HEATR5A: variants seen among roughly 807,000 people sequenced by gnomAD.
The protein encoded by HEATR5A is HEAT repeat containing 5A, also known as HEAT repeat-containing protein 5A.
A neutral mutation model predicts 218.8 loss-of-function variants in HEATR5A; 178 were observed. That is an observed-to-expected ratio of 0.81 (90% CI 0.72 to 0.92). The LOEUF (loss-of-function observed/expected upper bound fraction) is 0.92. HEATR5A is among the 40% of genes least tolerant of loss of function. The pLI, the probability that HEATR5A is intolerant of heterozygous loss-of-function variation, is 0.00. For synonymous variants in HEATR5A, 864 were observed against 871.6 expected, an observed-to-expected ratio of 0.99 and a Z score of 0.15; for missense variants, 2,420 against 2,418.9, an observed-to-expected ratio of 1.00 and a Z score of -0.01.
At chr14:31,323,221 T>C (rs533370159) in intron 24 of HEATR5A, among the ~76,000 whole-genome samples, 6 of 152,320 alleles carry the variant, frequency 3.9e-5, no homozygotes, top group Admixed American at 2.6e-4. Context: ...CATGAAGTGA[T>C]GTGAACACGG....
intron 4 of HEATR5A, among the ~76,000 whole-genome samples, chr14:31,397,658 CAAAA>C (rs537734132): frequency 4.0e-5 from 3 of 75,750 alleles, no homozygotes; most frequent in African/African-American, 4.1e-5. Flanking sequence ...GACTCCGTCT[CAAAA>C]AAAAAAAAAA....
At chr14:31,320,560 C>A in intron 25 of HEATR5A, 1 of 903,790 alleles carries the variant, frequency 1.1e-6, no homozygotes, top group East Asian at 2.6e-5. Context: ...AGAAGGCAGA[C>A]ACAGGCCTGA....
At chr14:31,337,691 A>G (rs537806369) in intron 21 of HEATR5A, 77 bp from the exon 22 acceptor site, 1 of 1,255,050 alleles carries the variant, frequency 8.0e-7, no homozygotes, top group East Asian at 2.5e-5. Context: ...TATTCACTGG[A>G]CCCCTTCCTG....
Position 31,326,198 on chromosome 14 carries a change from AAC to A in HEATR5A, c.3510_3511del (p.Trp1170CysfsTer5). The A allele has an allele frequency of 6.2e-7, 1 of 1,613,278 alleles. No individual in the cohort carries two copies. Among genetic ancestry groups the A allele is most frequent in the Non-Finnish European group, 8.5e-7 (1 of 1,179,366 alleles). On this transcript the variant is annotated frameshift_variant, in exon 23 of 36. Coordinates refer to ENST00000543095, the MANE Select transcript of HEATR5A (RefSeq NM_015473.4). LOFTEE classifies it high-confidence loss of function. ...AGCAAGTACATCTTTACAAAGCTTT[AAC>A]CACAGGGAGAGTTTTTCCACTGCCA...
chr14:31,408,107 A>G (rs1001097848), intron 1 of HEATR5A, among the ~76,000 whole-genome samples: 2 of 152,196 alleles, frequency 1.3e-5, no homozygotes, highest in Non-Finnish European at 1.5e-5. Flanking sequence ...TGTACTTTGT[A>G]CATGACAGAT....
intron 22 of HEATR5A, among the ~76,000 whole-genome samples, chr14:31,336,897 C>T (rs933861192): frequency 2.6e-5 from 4 of 152,140 alleles, no homozygotes; most frequent in Non-Finnish European, 5.9e-5. Context: ...AGTGTACTTA[C>T]CCAAACCTAG....
At chr14:31,331,473 C>G (rs151297518) in intron 22 of HEATR5A, among the ~76,000 whole-genome samples, 2 of 152,258 alleles carry the variant, frequency 1.3e-5, no homozygotes, top group African/African-American at 2.4e-5. Context: ...CAACAAGTCT[C>G]TAGAAGTTCC....
chr14:31,338,079 T>C (rs28505754), intron 21 of HEATR5A, among the ~76,000 whole-genome samples: 12,791 of 152,218 alleles, frequency 0.084, 612 homozygotes, highest in East Asian at 0.16. Flanking sequence ...TGTCTCAGTT[T>C]GAGTCCTAGA....
intron 14 of HEATR5A, among the ~76,000 whole-genome samples, chr14:31,362,179 G>T (rs1184290621): frequency 6.6e-6 from 1 of 151,976 alleles, no homozygotes; most frequent in Non-Finnish European, 1.5e-5. Context: ...ATGTTGGCCA[G>T]GCTGGTCTCG....
chr14:31,406,750 G>A (rs532529486), intron 1 of HEATR5A, among the ~76,000 whole-genome samples: 1 of 152,128 alleles, frequency 6.6e-6, no homozygotes, highest in Non-Finnish European at 1.5e-5. Context: ...CTGAGATCAG[G>A]AGTTCGAGAC....
At chr14:31,374,044 G>A (rs572458667) in intron 12 of HEATR5A, among the ~76,000 whole-genome samples, 1 of 151,992 alleles carries the variant, frequency 6.6e-6, no homozygotes, top group African/African-American at 2.4e-5. Flanking sequence ...GGTGACTCAC[G>A]CCTGTAATCC....
chr14:31,311,863 GT>G (rs1436135214), intron 28 of HEATR5A, among the ~76,000 whole-genome samples: 9 of 152,246 alleles, frequency 5.9e-5, no homozygotes, highest in African/African-American at 1.9e-4. Flanking sequence ...AGACAAGGGG[GT>G]TTTTATATCC....
At chr14:31,335,053 C>T (rs1025970901) in intron 22 of HEATR5A, among the ~76,000 whole-genome samples, 1 of 152,204 alleles carries the variant, frequency 6.6e-6, no homozygotes, top group East Asian at 1.9e-4. Flanking sequence ...GCAAGACCCT[C>T]TACCAGCAAA....
intron 13 of HEATR5A, among the ~76,000 whole-genome samples, chr14:31,371,219 T>C (rs1902025819): frequency 6.6e-6 from 1 of 152,220 alleles, no homozygotes; most frequent in Non-Finnish European, 1.5e-5. Context: ...TATCTGGTCC[T>C]TCAGAAGAAA....
intron 25 of HEATR5A, among the ~76,000 whole-genome samples, chr14:31,319,092 A>T (rs1262157857): frequency 6.6e-6 from 1 of 152,192 alleles, no homozygotes; most frequent in African/African-American, 2.4e-5. Flanking sequence ...GAGGGCTAAA[A>T]ATATAACAGA....
rs768255035 is a variant in HEATR5A, at chr14:31,293,463, A to C, written c.5983T>G (p.Phe1995Val). The change falls in exon 36 of 36, where the codon TTT becomes GTT. Residue 1995 changes from phenylalanine to valine, a missense_variant. Coordinates refer to ENST00000543095, the MANE Select transcript of HEATR5A (RefSeq NM_015473.4). ...MQIGPQYSSV[F>V]KSLVASSPAL... ...GGAGAAGAAGCCACTAAACTTTTAA[A>C]AACAGATGAATACTGAGGTCCAATT... The C allele has an allele frequency of 1.2e-6, 2 of 1,614,000 alleles. No individual in the cohort carries two copies. Among genetic ancestry groups the C allele is most frequent in the Non-Finnish European group, 1.7e-6 (2 of 1,179,882 alleles).
At chr14:31,419,227 T>TA (rs1302794108) in intron 1 of HEATR5A, among the ~76,000 whole-genome samples, 1 of 152,064 alleles carries the variant, frequency 6.6e-6, no homozygotes, top group Non-Finnish European at 1.5e-5. Flanking sequence ...CATACTACAG[T>TA]ATTCTCCAAC....
chr14:31,349,378 C>T (rs28738723), intron 18 of HEATR5A, among the ~76,000 whole-genome samples: 12,655 of 151,194 alleles, frequency 0.084, 600 homozygotes, highest in East Asian at 0.16. Flanking sequence ...GGTGAGACTC[C>T]GTCTCAAAAA....
At position 31,302,367 on chromosome 14, in the gene HEATR5A, C is replaced by T; in HGVS notation, c.5392G>A (p.Glu1798Lys). 1 of 1,604,556 alleles carries T rather than the reference C, an allele frequency of 6.2e-7. No homozygotes were observed. Among genetic ancestry groups the T allele is most frequent in the East Asian group, 2.2e-5 (1 of 44,588 alleles). The change falls in exon 33 of 36, where the codon GAA (glutamate) becomes AAA (lysine). Residue 1798 changes from glutamate (E) to lysine (K), a missense_variant. Physicochemically the swap from Glu to Lys is moderately conservative, Grantham distance 56. Transcript: ENST00000543095. Reference protein sequence around the residue: ...GILSSPMARAEKSRTAWTDLL... With the variant: ...GILSSPMARAKKSRTAWTDLL... Reference sequence around the variant, plus strand: ...TCAGTCCAAGCAGTACGGCTCTTTTCTGCCCGGGCCATGGGAGAAGATAAT... The same window carrying T: ...TCAGTCCAAGCAGTACGGCTCTTTTTTGCCCGGGCCATGGGAGAAGATAAT...
Sources: gnomAD v4.1 joint callset for allele counts (sites outside exome capture counted in the v4.1 genomes callset) on GRCh38, gnomAD v4.1.1 for gene constraint, MANE v1.5 for transcripts, NCBI Gene and HGNC (gene_info 2026-07-23, HGNC 2026-07-21) for gene names.